Variants in NRXN3 observed in about 807,000 individuals in gnomAD.
The protein encoded by NRXN3 is neurexin 3, also known as neurexin III.
Under a neutral mutation model 137.6 loss-of-function variants are expected in NRXN3, and 32 were observed. The observed-to-expected ratio is 0.23, with a 90% CI of 0.18 to 0.31. The LOEUF (loss-of-function observed/expected upper bound fraction) is 0.31. NRXN3 is among the 10% of genes least tolerant of loss of function. The probability of loss-of-function intolerance (pLI) is 1.00; values close to 1 mark genes in which losing one functional copy is unlikely to be tolerated. For synonymous variants in NRXN3, 798 were observed against 784.5 expected (o/e 1.02, Z -0.29); for missense variants, 1,574 against 2,062.5 (o/e 0.76, Z 4.59).
chr14:78,212,120 C>G (rs1295542834), intron 1 of NRXN3, among the ~76,000 whole-genome samples: 3 of 152,128 alleles, frequency 2.0e-5, no homozygotes, highest in Non-Finnish European at 4.4e-5. Flanking sequence ...GGAGACACTT[C>G]TAGTACCAAT....
At chr14:79,805,322 ATATATG>A in intron 20 of NRXN3, 132 bp downstream of exon 20, 1 of 442,546 alleles carries the variant, frequency 2.3e-6, no homozygotes, top group East Asian at 3.6e-5. Context: ...TTTTATATCT[ATATATG>A]TATAAGTATA....
chr14:78,689,658 G>C (rs1447832384), intron 6 of NRXN3, among the ~76,000 whole-genome samples: 1 of 152,124 alleles, frequency 6.6e-6, no homozygotes, highest in African/African-American at 2.4e-5. Flanking sequence ...AATAGTATAG[G>C]AATATAGTAC....
chr14:79,124,356 C>A (rs904226752), intron 15 of NRXN3, among the ~76,000 whole-genome samples: 3 of 152,166 alleles, frequency 2.0e-5, no homozygotes, highest in Non-Finnish European at 4.4e-5. Context: ...CAATATGTTG[C>A]CCTGCTAAGA....
At chr14:79,156,079 T>C (rs1196875828) in intron 15 of NRXN3, among the ~76,000 whole-genome samples, 1 of 151,842 alleles carries the variant, frequency 6.6e-6, no homozygotes, top group Non-Finnish European at 1.5e-5. Context: ...GTTTCCATTA[T>C]AGATAATAAA....
intron 4 of NRXN3, among the ~76,000 whole-genome samples, chr14:78,382,357 C>T (rs1473294295): frequency 2.0e-5 from 3 of 152,200 alleles, no homozygotes; most frequent in Non-Finnish European, 2.9e-5. Flanking sequence ...AGCTGTGGGA[C>T]ATGATGAAAG....
At chr14:79,522,765 A>G (rs983502500) in intron 16 of NRXN3, among the ~76,000 whole-genome samples, 4 of 152,280 alleles carry the variant, frequency 2.6e-5, no homozygotes, top group East Asian at 3.9e-4. Flanking sequence ...GGGACCTTCC[A>G]TACTTCATTC....
chr14:78,424,572 A>C (rs1425005370), intron 4 of NRXN3, among the ~76,000 whole-genome samples: 1 of 152,214 alleles, frequency 6.6e-6, no homozygotes, highest in Non-Finnish European at 1.5e-5. Context: ...AATGTCCTAT[A>C]AAGCATTTAT....
intron 16 of NRXN3, among the ~76,000 whole-genome samples, chr14:79,580,839 A>G (rs2097708718): frequency 6.6e-6 from 1 of 152,232 alleles, no homozygotes; most frequent in South Asian, 2.1e-4. Context: ...GACAGAAGGA[A>G]CACAGAATGA....
At chr14:79,497,860 C>A (rs938856388) in intron 16 of NRXN3, among the ~76,000 whole-genome samples, 13 of 152,088 alleles carry the variant, frequency 8.5e-5, no homozygotes, top group Non-Finnish European at 1.3e-4. Context: ...CATAGTGAAA[C>A]CCCGTCTCTA....
At chr14:78,245,216 A>T (rs1324502320) in intron 2 of NRXN3, among the ~76,000 whole-genome samples, 1 of 152,196 alleles carries the variant, frequency 6.6e-6, no homozygotes, top group African/African-American at 2.4e-5. Flanking sequence ...GGTGTAAGGT[A>T]TAGGGCAGAA....
At chr14:79,336,288 C>G (rs529033815) in intron 15 of NRXN3, among the ~76,000 whole-genome samples, 2 of 152,050 alleles carry the variant, frequency 1.3e-5, no homozygotes, top group Non-Finnish European at 2.9e-5. Flanking sequence ...ATGTGCTTAC[C>G]CCTAAGAGAA....
At chr14:78,591,015 CA>C (rs2097111370) in intron 4 of NRXN3, among the ~76,000 whole-genome samples, 1 of 152,170 alleles carries the variant, frequency 6.6e-6, no homozygotes, top group South Asian at 2.1e-4. Context: ...GCTATGTCTG[CA>C]AAAAAGAGGT....
chr14:78,943,529 G>T (rs2099357202), intron 10 of NRXN3, among the ~76,000 whole-genome samples: 1 of 148,610 alleles, frequency 6.7e-6, no homozygotes, highest in Non-Finnish European at 1.5e-5. Context: ...GAGGGCTTCT[G>T]TGAGTGGAGT....
chr14:79,327,282 A>C (rs977942971), intron 15 of NRXN3, among the ~76,000 whole-genome samples: 2 of 152,096 alleles, frequency 1.3e-5, no homozygotes, highest in Non-Finnish European at 2.9e-5. Flanking sequence ...TTTGGTGTAG[A>C]CCTATAAATA....
At chr14:78,913,619 G>A (rs1429176671) in intron 10 of NRXN3, among the ~76,000 whole-genome samples, 1 of 152,050 alleles carries the variant, frequency 6.6e-6, no homozygotes, top group East Asian at 1.9e-4. Flanking sequence ...TAAATCCAAT[G>A]TCCTCTTCTA....
In NRXN3 at chr14:79,765,704, C is replaced by T. The variant is rs144191104; in HGVS notation, c.4015-39408C>T. Among the ~76,000 whole-genome samples, 270 of 152,254 alleles carry T rather than the reference C, an allele frequency of 1.8e-3. 1 individual carries two copies. Among genetic ancestry groups the T allele is most frequent in the African/African-American group, 5.8e-3 (241 of 41,524 alleles). On this transcript the variant is annotated intron_variant, in intron 19 of 20. Coordinates refer to ENST00000335750, the MANE Select transcript of NRXN3 (RefSeq NM_001330195.2). ...ATAAATGGTACTCATTCAATATTGA[C>T]CATATGGATGAATCTCTGCTTATGA...
intron 15 of NRXN3, among the ~76,000 whole-genome samples, chr14:79,192,436 G>T (rs2153183739): frequency 6.6e-6 from 1 of 152,202 alleles, no homozygotes; most frequent in African/African-American, 2.4e-5. Context: ...TGAATTAGAT[G>T]TAATAAAATG....
chr14:78,646,805 T>C (rs775945213), intron 5 of NRXN3, among the ~76,000 whole-genome samples: 1 of 152,200 alleles, frequency 6.6e-6, no homozygotes, highest in African/African-American at 2.4e-5. Flanking sequence ...ATTGCTAATA[T>C]CTTCTTTCGT....
chr14:79,154,136 G>C (rs775384762), intron 15 of NRXN3, among the ~76,000 whole-genome samples: 3 of 151,954 alleles, frequency 2.0e-5, no homozygotes, highest in Non-Finnish European at 4.4e-5. Context: ...AACCAGGGTA[G>C]TTGGGGGCCA....
Sources: allele counts gnomAD v4.1 joint callset (sites outside exome capture counted in the v4.1 genomes callset), GRCh38; gene constraint gnomAD v4.1.1; transcripts MANE v1.5; gene names NCBI Gene and HGNC (gene_info 2026-07-23, HGNC 2026-07-21).